The following RP1 variants were observed in gnomAD, a reference collection of about 807,000 sequenced individuals.
The protein encoded by RP1 is oxygen-regulated protein 1.
In RP1, 16 loss-of-function variants were observed where a neutral mutation model predicts 14.8. That is an observed-to-expected ratio of 1.08 (90% CI 0.73 to 1.65). RP1 has a LOEUF of 1.65. Ranked by LOEUF, RP1 falls within the 40% of genes most tolerant of loss-of-function variation. RP1 has a pLI of 0.00. For missense variants in RP1, 2,631 were observed against 2,535.0 expected (o/e 1.04, Z -0.81); for synonymous variants, 876 against 883.6 (o/e 0.99, Z 0.15).
At chr8:54,704,296 A>G (rs894255770) in intron 14 of RP1, among the ~76,000 whole-genome samples, 8 of 152,172 alleles carry the variant, frequency 5.3e-5, no homozygotes, top group African/African-American at 4.8e-5. Context: ...TGATTAGACT[A>G]ATTTCAATAT....
At chr8:54,599,584 G>A (rs1416770864) in intron 1 of RP1, among the ~76,000 whole-genome samples, 9 of 151,818 alleles carry the variant, frequency 5.9e-5, no homozygotes, top group African/African-American at 9.7e-5. Context: ...TCAGCCTCCC[G>A]AGTAGGCTAC....
intron 1 of RP1, among the ~76,000 whole-genome samples, chr8:54,575,346 A>G (rs955093049): frequency 6.6e-6 from 1 of 152,178 alleles, no homozygotes; most frequent in Non-Finnish European, 1.5e-5. Flanking sequence ...TGATAACTGG[A>G]AGAACAAACA....
intron 24 of RP1, among the ~76,000 whole-genome samples, chr8:54,786,451 C>A (rs572086677): frequency 1.3e-5 from 2 of 149,884 alleles, no homozygotes; most frequent in South Asian, 4.2e-4. Context: ...GTGTAGATCA[C>A]CTTACTGTTG....
chr8:54,812,778 T>TATCTATC (rs1434291326), intron 24 of RP1, among the ~76,000 whole-genome samples: 6 of 148,294 alleles, frequency 4.0e-5, no homozygotes, highest in South Asian at 2.1e-4. Flanking sequence ...TCTATCTATC[T>TATCTATC]ATCTATCTAT....
intron 19 of RP1, among the ~76,000 whole-genome samples, chr8:54,741,602 C>G (rs1300738219): frequency 6.6e-6 from 1 of 150,468 alleles, no homozygotes; most frequent in Non-Finnish European, 1.5e-5. Context: ...CCTAACAATG[C>G]ATTTCTTGGA....
Position 54,679,531 on chromosome 8 carries a change from CTT to C in RP1, c.1555+38_1555+39del, listed in dbSNP as rs888266685. The C allele has an allele frequency of 3.3e-6, 5 of 1,535,538 alleles. No homozygotes were observed. In the Admixed American group the frequency reaches 9.8e-5, roughly 30 times the overall value. On this transcript the variant is annotated intron_variant, in intron 10 of 22. Transcript: ENST00000636932. ...ATGTATACACATTTCCTGGAAAACT[CTT>C]TTATGATGACTGGAGAAAGCATGAC...
At chr8:54,816,546 G>T (rs1446045771) in intron 24 of RP1, among the ~76,000 whole-genome samples, 1 of 152,182 alleles carries the variant, frequency 6.6e-6, no homozygotes, top group African/African-American at 2.4e-5. Flanking sequence ...TGTGGCTTAG[G>T]ATGTAGCCCA....
rs1806149261 is a variant in RP1 at position 54,628,563 on chromosome 8, A to C, written c.4681A>C (p.Lys1561Gln). Residue 1561 changes from lysine (K) to glutamine (Q), a missense_variant, in exon 4 of 4, where the codon AAA (lysine) becomes CAA (glutamine). Transcript: ENST00000220676. The stretch of plus-strand genomic sequence containing the variant: ...CAATGAAGGAGAAACTAAGATGGTA[A>C]AAATGATGGTGAAAACTATGGAAAC... ...ETNEGETKMV[K>Q]MMVKTMETGS... 1.9e-6 allele frequency: 3 copies of C among 1,614,028 alleles called. No homozygotes were observed. Among genetic ancestry groups the C allele is most frequent in the Non-Finnish European group, 2.5e-6 (3 of 1,179,894 alleles).
intron 27 of RP1, among the ~76,000 whole-genome samples, chr8:54,858,455 C>A (rs9886656): frequency 6.6e-6 from 1 of 151,640 alleles, no homozygotes; most frequent in African/African-American, 2.4e-5. Context: ...TGGAACATTG[C>A]CACTGTAGAG....
chr8:54,852,100 C>G (rs1812071638), intron 25 of RP1, among the ~76,000 whole-genome samples: 1 of 152,058 alleles, frequency 6.6e-6, no homozygotes, highest in African/African-American at 2.4e-5. Flanking sequence ...AAATTTGCAT[C>G]TCTCTAGGAT....
intron 1 of RP1, among the ~76,000 whole-genome samples, chr8:54,576,306 A>C (rs1308748136): frequency 6.6e-6 from 1 of 152,130 alleles, no homozygotes; most frequent in African/African-American, 2.4e-5. Flanking sequence ...CGGCCTCCCA[A>C]AGTGCTGGGA....
At chr8:54,572,590 T>C (rs949450340) in intron 1 of RP1, among the ~76,000 whole-genome samples, 1 of 152,120 alleles carries the variant, frequency 6.6e-6, no homozygotes, top group Non-Finnish European at 1.5e-5. Flanking sequence ...CTCTAAGGAG[T>C]TGGGATATAC....
At chr8:54,604,058 G>A (rs1358062035) in intron 1 of RP1, among the ~76,000 whole-genome samples, 1 of 152,150 alleles carries the variant, frequency 6.6e-6, no homozygotes, top group Admixed American at 6.5e-5. Flanking sequence ...GCCCTGGCCA[G>A]AACTTCCAAC....
intron 23 of RP1, among the ~76,000 whole-genome samples, chr8:54,776,885 G>A (rs1462739122): frequency 6.6e-6 from 1 of 152,204 alleles, no homozygotes. Flanking sequence ...ATGGTAAACT[G>A]CACTAAAGTA....
chr8:54,794,450 T>C (rs1810536317), intron 24 of RP1, among the ~76,000 whole-genome samples: 1 of 151,940 alleles, frequency 6.6e-6, no homozygotes, highest in South Asian at 2.1e-4. Flanking sequence ...TGACAATGTT[T>C]GTCAATATTT....
chr8:54,591,939 A>T (rs1288619040), intron 1 of RP1, among the ~76,000 whole-genome samples: 1 of 152,190 alleles, frequency 6.6e-6, no homozygotes, highest in African/African-American at 2.4e-5. Flanking sequence ...TCGTTTTGGC[A>T]CTAGCACAAT....
At chr8:54,667,315 A>G (rs993844698) in intron 7 of RP1, among the ~76,000 whole-genome samples, 2 of 152,042 alleles carry the variant, frequency 1.3e-5, no homozygotes, top group South Asian at 4.1e-4. Context: ...AGTGGATCCT[A>G]TGTCCAGAAT....
At chr8:54,758,845 T>G in intron 21 of RP1, 1 of 1,415,014 alleles carries the variant, frequency 7.1e-7, no homozygotes, top group Non-Finnish European at 9.5e-7. Flanking sequence ...GTCGTTTAAC[T>G]ATTATTATTG....
At chr8:54,739,073 G>T in intron 19 of RP1, 1 of 1,370,556 alleles carries the variant, frequency 7.3e-7, no homozygotes, top group South Asian at 1.3e-5. Context: ...ATTCTCTGAT[G>T]AAAAGAAGCA....
Sources: gnomAD v4.1 joint callset for allele counts (sites outside exome capture counted in the v4.1 genomes callset) on GRCh38, gnomAD v4.1.1 for gene constraint, MANE v1.5 for transcripts, NCBI Gene and HGNC (gene_info 2026-07-23, HGNC 2026-07-21) for gene names.